Variants in CFAP47 observed in about 807,000 individuals in gnomAD.
CFAP47 encodes cilia- and flagella-associated protein 47.
CFAP47 carries 29 observed loss-of-function variants against 148.1 expected under a neutral mutation model. That is an observed-to-expected ratio of 0.20 (90% CI 0.15 to 0.27). The LOEUF (loss-of-function observed/expected upper bound fraction) is 0.27, where lower values mean the gene tolerates loss of function less well. CFAP47 is among the 10% of genes least tolerant of loss of function. The pLI, the probability that CFAP47 is intolerant of heterozygous loss-of-function variation, is 1.00. For missense variants in CFAP47, 1,872 were observed against 1,697.5 expected, an observed-to-expected ratio of 1.10 and a Z score of -1.81; for synonymous variants, 664 against 577.3, an observed-to-expected ratio of 1.15 and a Z score of -2.15.
chrX:36,163,682 T>G (rs1200356047), intron 39 of CFAP47, among the ~76,000 whole-genome samples: 1 of 111,455 alleles, frequency 9.0e-6, no homozygotes, highest in Non-Finnish European at 1.9e-5. Flanking sequence ...TGATCTCGGC[T>G]CACTGCAACG....
At chrX:35,920,074 C>A (rs753074713) in intron 1 of CFAP47, 26 bp downstream of exon 1, 2 of 1,151,632 alleles carry the variant, frequency 1.7e-6, no homozygotes, top group Non-Finnish European at 2.3e-6. Flanking sequence ...GTGCTGGGAG[C>A]GGGACCTTGT....
rs1455797616 is a variant in CFAP47 at position 35,966,743 on chromosome X, A to G, written c.1589A>G (p.Lys530Arg). Residue 530 changes from lysine to arginine, a missense_variant, in exon 9 of 64, where the codon AAA (lysine) becomes AGA (arginine). Transcript: ENST00000378653. ...CKASTKKVVMKFDPGILPSIR... is the reference protein window; with the variant it reads ...CKASTKKVVMRFDPGILPSIR... ...GCTTCCACCAAGAAAGTTGTGATGA[A>G]ATTTGATCCTGGTATGCTATTGTGT... 2 of 1,128,596 alleles carry G rather than the reference A, an allele frequency of 1.8e-6. No individual in the cohort carries two copies. Among genetic ancestry groups the G allele is most frequent in the Admixed American group, 5.1e-5 (2 of 39,105 alleles). 93.0% of individuals were successfully genotyped at this position (1,128,596 alleles called of 1,213,427 possible).
chrX:36,298,657 T>C lies in CFAP47; in HGVS notation c.7687-320T>C, dbSNP rs139751308. Among the ~76,000 whole-genome samples, 91 of 111,521 alleles carry C rather than the reference T, an allele frequency of 8.2e-4. 1 individual carries two copies. The East Asian group carries it at 0.02, about 25-fold the overall frequency. ...CATTCCTAGAGTAAACACTGAAAAA[T>C]GGACCTCATAGAAATAATGATACCA... On this transcript the variant is annotated intron_variant, in intron 51 of 63. Coordinates refer to ENST00000378653, the MANE Select transcript of CFAP47 (RefSeq NM_001304548.2).
chrX:36,232,575 C>A (rs1246807128), intron 46 of CFAP47, among the ~76,000 whole-genome samples: 1 of 111,378 alleles, frequency 9.0e-6, no homozygotes, highest in African/African-American at 3.3e-5. Flanking sequence ...CTCCTGGATT[C>A]ATTAATTTTT....
At chrX:36,030,932 T>C (rs900798237) in intron 22 of CFAP47, among the ~76,000 whole-genome samples, 1 of 110,593 alleles carries the variant, frequency 9.0e-6, no homozygotes, top group Non-Finnish European at 1.9e-5. Flanking sequence ...GTTCAAACTC[T>C]AGTGTGGAGA....
At chrX:36,127,561 T>C in intron 33 of CFAP47, among the ~76,000 whole-genome samples, 1 of 111,746 alleles carries the variant, frequency 8.9e-6, no homozygotes, top group East Asian at 2.8e-4. Flanking sequence ...TGCCCAGGAT[T>C]GCCTTGGCTA....
intron 46 of CFAP47, among the ~76,000 whole-genome samples, chrX:36,233,482 T>C (rs1555993195): frequency 9.0e-6 from 1 of 111,294 alleles, no homozygotes; most frequent in Non-Finnish European, 1.9e-5. Flanking sequence ...TCTTCCTCCA[T>C]CCTTTTATTT....
rs1556017872 is a variant in CFAP47 at position 36,353,551 on chromosome X, G to A, written c.8721G>A (p.Arg2907=). Residue 2907 remains arginine, a synonymous_variant, in exon 60 of 64, where the codon AGG becomes AGA. Coordinates refer to ENST00000378653, the MANE Select transcript of CFAP47 (RefSeq NM_001304548.2). Reference sequence around the variant, plus strand: ...CAGTTGTCATACAATGTCAGTCCAGGAAGCGGGCAGAAGAGAAGGTAGAAA... The same window carrying A: ...CAGTTGTCATACAATGTCAGTCCAGAAAGCGGGCAGAAGAGAAGGTAGAAA... ...SPPVVIQCQS[R]KRAEEKVEII... is the part of the protein sequence containing the mutation. 1 of 1,164,188 alleles carries A rather than the reference G, an allele frequency of 8.6e-7. No individual in the cohort carries two copies. The highest frequency in any genetic ancestry group is 2.6e-5 in the Admixed American group (1 of 38,489).
intron 3 of CFAP47, among the ~76,000 whole-genome samples, chrX:35,941,754 A>AT (rs779470615): frequency 9.0e-6 from 1 of 111,455 alleles, no homozygotes; most frequent in African/African-American, 3.3e-5. Flanking sequence ...TGAACTTGAG[A>AT]TTCCTCATTT....
intron 15 of CFAP47, among the ~76,000 whole-genome samples, chrX:35,981,802 G>T (rs963320589): frequency 2.7e-5 from 3 of 111,809 alleles, no homozygotes; most frequent in African/African-American, 6.5e-5. Context: ...GCATCAGTTT[G>T]CTTAGGATAA....
chrX:36,171,090 G>C (rs1364952296), intron 39 of CFAP47, among the ~76,000 whole-genome samples: 2 of 110,876 alleles, frequency 1.8e-5, no homozygotes, highest in African/African-American at 6.6e-5. Flanking sequence ...CTGCATAAAT[G>C]TCTTCTTTTG....
At chrX:36,077,403 A>G (rs1200966501) in intron 29 of CFAP47, among the ~76,000 whole-genome samples, 1 of 107,812 alleles carries the variant, frequency 9.3e-6, no homozygotes, top group Non-Finnish European at 1.9e-5. Context: ...ATCAATGAGC[A>G]TAAAATGTTT....
intron 51 of CFAP47, among the ~76,000 whole-genome samples, chrX:36,288,966 G>A (rs182216968): frequency 1.2e-4 from 10 of 85,290 alleles, no homozygotes; most frequent in African/African-American, 4.4e-4. Context: ...TATATTTTGA[G>A]TTACTGTTTT....
rs146257386 is a variant in CFAP47, at chrX:36,238,247, G to C, written c.7332+1388G>C. ...TCGTGATAATGAATAAGTCTCATGA[G>C]ATCTGATGGTTTTATAAAGGGAAGT... is the stretch of plus-strand genomic sequence containing the variant. On this transcript the variant is annotated intron_variant, in intron 48 of 63. Transcript: ENST00000378653. Among the ~76,000 whole-genome samples the C allele has an allele frequency of 8.5e-3, 946 of 111,363 alleles. 7 individuals carry two copies. Among genetic ancestry groups the C allele is most frequent in the Middle Eastern group, 0.014 (3 of 215 alleles).
At chrX:36,192,841 A>G (rs1199158066) in intron 42 of CFAP47, among the ~76,000 whole-genome samples, 2 of 111,936 alleles carry the variant, frequency 1.8e-5, no homozygotes, top group African/African-American at 6.5e-5. Flanking sequence ...AGAATAACTT[A>G]TGTGAATTGG....
At chrX:35,975,634 A>G in intron 14 of CFAP47, 38 bp from the exon 15 acceptor site, 2 of 1,190,694 alleles carry the variant, frequency 1.7e-6, no homozygotes, top group Non-Finnish European at 2.3e-6. Flanking sequence ...ACAAATAACT[A>G]TTATCAGTTA....
intron 44 of CFAP47, among the ~76,000 whole-genome samples, chrX:36,202,309 T>G (rs1442848404): frequency 9.0e-6 from 1 of 111,621 alleles, no homozygotes; most frequent in Non-Finnish European, 1.9e-5. Context: ...TGTGTGCATA[T>G]TCTTCTACTG....
At chrX:35,980,502 C>T (rs1305854227) in intron 15 of CFAP47, among the ~76,000 whole-genome samples, 1 of 111,717 alleles carries the variant, frequency 9.0e-6, no homozygotes, top group East Asian at 2.8e-4. Flanking sequence ...TACATATTCC[C>T]CAGGATTTGT....
At chrX:36,380,506 C>T (rs111517746) in intron 63 of CFAP47, among the ~76,000 whole-genome samples, 6,501 of 111,893 alleles carry the variant, frequency 0.058, 214 homozygotes, top group African/African-American at 0.12. Context: ...TGCAGTGGCA[C>T]GATCTCGGCT....
Sources: gnomAD v4.1 joint callset for allele counts (sites outside exome capture counted in the v4.1 genomes callset) on GRCh38, gnomAD v4.1.1 for gene constraint, MANE v1.5 for transcripts, NCBI Gene and HGNC (gene_info 2026-07-23, HGNC 2026-07-21) for gene names.